Variants in ABCA7 observed in about 807,000 individuals in gnomAD.
ABCA7 encodes ATP binding cassette subfamily A member 7.
In ABCA7, 261 loss-of-function variants were observed where a neutral mutation model predicts 227.6. The ratio of observed to expected loss-of-function variants is 1.15; its 90% CI spans 1.04 to 1.27. ABCA7 has a LOEUF of 1.27. ABCA7 is among the 50% of genes most tolerant of loss of function. The probability of loss-of-function intolerance (pLI) is 0.00; values close to 1 mark genes in which losing one functional copy is unlikely to be tolerated. For missense variants in ABCA7, 3,331 were observed against 2,924.5 expected, an observed-to-expected ratio of 1.14 and a Z score of -3.21; for synonymous variants, 1,488 against 1,279.7, an observed-to-expected ratio of 1.16 and a Z score of -3.47.
chr19:1,052,615 AGGGG>A (rs1568346546), intron 23 of ABCA7, among the ~76,000 whole-genome samples: 3 of 262 alleles, frequency 0.011, no homozygotes, highest in Non-Finnish European at 0.017. Context: ...GGGGAGGAGG[AGGGG>A]GAGGGAAAGG....
chr19:1,058,593 C>G, intron 37 of ABCA7, 25 bp from the exon 38 acceptor site: 1 of 1,612,806 alleles, frequency 6.2e-7, no homozygotes, highest in Non-Finnish European at 8.5e-7. Context: ...CTCATGGACC[C>G]AGTCCCTCCT....
Position 1,041,226 on chromosome 19 carries a change from G to C in ABCA7, c.-136G>C. On this transcript the variant is annotated splice_region_variant and 5_prime_UTR_variant, in exon 2 of 47. Transcript: ENST00000263094. ...TACTGTTTGCCTCGCTCTAATCAGA[G>C]CTTCCAGGAACCCTGCGCTGTGGGA... 1.1e-6 allele frequency: 1 copy of C among 908,472 alleles called. No homozygotes were observed. Among genetic ancestry groups the C allele is most frequent in the Non-Finnish European group, 1.8e-6 (1 of 557,826 alleles). The allele number at this position is 908,472 out of a possible 1,614,324, so 56.3% of individuals were successfully genotyped here. A position where few individuals can be genotyped will look rare whatever the true frequency, so the allele number is the denominator to read the frequency against.
Position 1,046,941 on chromosome 19 carries a change from C to T in ABCA7, c.1762C>T (p.Arg588Cys), listed in dbSNP as rs763381769. 7 of 1,566,216 alleles carry T rather than the reference C, an allele frequency of 4.5e-6. No homozygotes were observed. The African/African-American group carries it at 7.6e-5, about 17-fold the overall frequency. ...RDTMRAMGLS[R>C]AVLWLGWFLS... ...CACCATGCGCGCCATGGGGCTCAGC[C>T]GCGCGGTGCTCTGGCTAGGCTGGTT... The change falls in exon 14 of 47, where the codon CGC (arginine) becomes TGC (cysteine). Residue 588 changes from arginine (R) to cysteine (C), a missense_variant. Physicochemically the swap from Arg to Cys is radical, Grantham distance 180. Transcript: ENST00000263094.
chr19:1,056,199 C>T lies in ABCA7; in HGVS notation c.4372C>T (p.Leu1458Phe). 6.2e-7 allele frequency: 1 copy of T among 1,604,990 alleles called. No individual in the cohort carries two copies. The highest frequency in any genetic ancestry group is 8.5e-7 in the Non-Finnish European group (1 of 1,177,252). Residue 1458 changes from leucine to phenylalanine, a missense_variant, in exon 32 of 47, where the codon CTC (leucine) becomes TTC (phenylalanine). Coordinates refer to ENST00000263094, the MANE Select transcript of ABCA7 (RefSeq NM_019112.4). The surrounding 1 kb of genome is among the most constrained non-coding windows in gnomAD (Gnocchi z 4.3). The part of the protein sequence containing the change: ...GGALDRVLKN[L>F]TAWAHSLDAQ... Reference sequence around the variant, plus strand: ...GGCCCTCGACCGTGTCCTGAAAAACCTCACAGCCTGGGCTCACAGCCTGGA... The same window carrying T: ...GGCCCTCGACCGTGTCCTGAAAAACTTCACAGCCTGGGCTCACAGCCTGGA...
rs569835009 is a variant in ABCA7, at chr19:1,060,797, G to T, written c.5464-985G>T. Reference sequence around the variant, plus strand: ...GGCTTCCCAAAGTGCTGGGGTTACAGGTGTGAGCCACTGGGCCTGGCCCAC... The same window carrying T: ...GGCTTCCCAAAGTGCTGGGGTTACATGTGTGAGCCACTGGGCCTGGCCCAC... On this transcript the variant is annotated intron_variant, in intron 40 of 46. Coordinates refer to ENST00000263094, the MANE Select transcript of ABCA7 (RefSeq NM_019112.4). Among the ~76,000 whole-genome samples, 4 of 152,174 alleles carry T rather than the reference G, an allele frequency of 2.6e-5. No individual in the cohort carries two copies. In the East Asian group the frequency reaches 7.7e-4, roughly 29 times the overall value.
At position 1,055,176 on chromosome 19, in the gene ABCA7, G is replaced by C. The variant is rs1472704630; in HGVS notation, c.4030G>C (p.Ala1344Pro). Reference protein sequence around the residue: ...GNWTPESPSPACQCSRPGARR... With the variant: ...GNWTPESPSPPCQCSRPGARR... ...CTGGACCCCAGAGTCTCCATCCCCA[G>C]CCTGCCAGTGTAGCCGGCCCGGTGC... The change falls in exon 30 of 47, where the codon GCC becomes CCC. Residue 1344 changes from alanine to proline, a missense_variant. Coordinates refer to ENST00000263094, the MANE Select transcript of ABCA7 (RefSeq NM_019112.4). 6.2e-7 allele frequency: 1 copy of C among 1,612,284 alleles called. No homozygotes were observed. The highest frequency in any genetic ancestry group is 1.7e-5 in the Admixed American group (1 of 59,996).
Position 1,054,765 on chromosome 19 carries a change from T to C in ABCA7, c.3852-15T>C. The C allele has an allele frequency of 6.2e-7, 1 of 1,606,778 alleles. No individual in the cohort carries two copies. Among genetic ancestry groups the C allele is most frequent in the Non-Finnish European group, 8.5e-7 (1 of 1,176,568 alleles). ...GGGGGTACAGCCCTGACCCTACATCTCCCCTCACACACAGTGAGGACGCCC... is the reference window on the plus strand; with the variant it reads ...GGGGGTACAGCCCTGACCCTACATCCCCCCTCACACACAGTGAGGACGCCC... On this transcript the variant is annotated splice_polypyrimidine_tract_variant and intron_variant, in intron 28 of 46. Coordinates refer to ENST00000263094, the MANE Select transcript of ABCA7 (RefSeq NM_019112.4). This position sits in a 1 kb window ranked among gnomAD's most constrained non-coding sequence, Gnocchi z 4.8.
At chr19:1,062,655 G>T (rs1006730101) in intron 42 of ABCA7, among the ~76,000 whole-genome samples, 1 of 151,746 alleles carries the variant, frequency 6.6e-6, no homozygotes, top group Non-Finnish European at 1.5e-5. Context: ...CGCCTTTCTC[G>T]CTGGGGTCAC....
At position 1,054,972 on chromosome 19, in the gene ABCA7, A is replaced by G; in HGVS notation, c.3950+94A>G. ...GGGAGCCTCAGGGGGCACCTGGAGC[A>G]TCCCCTGTGCCCACCTGGGAGCTGG... On this transcript the variant is annotated intron_variant, in intron 29 of 46. Transcript: ENST00000263094. The surrounding 1 kb of genome is among the most constrained non-coding windows in gnomAD (Gnocchi z 4.8). 6.5e-7 allele frequency: 1 copy of G among 1,542,458 alleles called. No individual in the cohort carries two copies. The highest frequency in any genetic ancestry group is 8.8e-7 in the Non-Finnish European group (1 of 1,138,744).
rs753938488 is a variant in ABCA7, at chr19:1,059,029, C to T, written c.5407C>T (p.Arg1803Cys). The part of the protein sequence containing the change: ...LVLRNLTKVY[R>C]GQRMPAVDRL... ...AAGACCTGCACTCTCCCAGGTATAC[C>T]GTGGGCAGAGGATGCCAGCTGTTGA... The change falls in exon 40 of 47, where the codon CGT (arginine) becomes TGT (cysteine). Residue 1803 changes from arginine (R) to cysteine (C), a missense_variant. By Grantham distance (180) the Arg-to-Cys change is radical. Transcript: ENST00000263094. 35 of 1,613,764 alleles carry T rather than the reference C, an allele frequency of 2.2e-5. No homozygotes were observed. The Admixed American group carries it at 4.0e-4, about 18-fold the overall frequency.
intron 23 of ABCA7, 43 bp downstream of exon 23, chr19:1,052,329 G>A (rs1284241024): frequency 6.6e-7 from 1 of 1,518,464 alleles, no homozygotes; most frequent in South Asian, 1.2e-5. Flanking sequence ...GGGCAGTGGG[G>A]TGGCTGTGCC....
chr19:1,043,287 T>C, intron 8 of ABCA7, 36 bp downstream of exon 8: 1 of 1,611,342 alleles, frequency 6.2e-7, no homozygotes, highest in Non-Finnish European at 8.5e-7. Context: ...TCTTGGGAAG[T>C]GGAACTCTGG....
chr19:1,047,527 G>A lies in ABCA7; in HGVS notation c.2142G>A (p.Ala714=), dbSNP rs768666347. ...TGCTGGAGGAGCAGGGCGAGGGCGCGCAGTGGCACAACGTGGGCACCCGGC... is the reference window on the plus strand; with the variant it reads ...TGCTGGAGGAGCAGGGCGAGGGCGCACAGTGGCACAACGTGGGCACCCGGC... ...LALLEEQGEG[A]QWHNVGTRPT... is the part of the protein sequence containing the mutation. The change falls in exon 16 of 47, where the codon GCG becomes GCA. Residue 714 remains alanine, a synonymous_variant. Coordinates refer to ENST00000263094, the MANE Select transcript of ABCA7 (RefSeq NM_019112.4). 7.5e-6 allele frequency: 12 copies of A among 1,594,862 alleles called. No individual in the cohort carries two copies. Among genetic ancestry groups the A allele is most frequent in the South Asian group, 3.3e-5 (3 of 89,770 alleles).
Position 1,064,932 on chromosome 19 carries a change from T to C in ABCA7, c.6046T>C (p.Phe2016Leu). 6.4e-7 allele frequency: 1 copy of C among 1,555,404 alleles called. No individual in the cohort carries two copies. The highest frequency in any genetic ancestry group is 8.7e-7 in the Non-Finnish European group (1 of 1,151,048). The change falls in exon 46 of 47, where the codon TTC (phenylalanine) becomes CTC (leucine). Residue 2016 changes from phenylalanine (F) to leucine (L), a missense_variant and splice_region_variant. Phe to Leu is a conservative substitution (Grantham distance 22). Coordinates refer to ENST00000263094, the MANE Select transcript of ABCA7 (RefSeq NM_019112.4). ...LGSPQHLKGR[F>L]AAGHTLTLRV... ...TAGCCCTGGCCCCACTCACTGCAGATTCGCGGCGGGTCACACACTGACCCT... is the reference window on the plus strand; with the variant it reads ...TAGCCCTGGCCCCACTCACTGCAGACTCGCGGCGGGTCACACACTGACCCT...
chr19:1,042,595 C>G, intron 6 of ABCA7, 151 bp from the exon 7 acceptor site: 1 of 1,014,466 alleles, frequency 9.9e-7, no homozygotes. Context: ...TCTGTGAGAT[C>G]TCCAATGAGT....
Position 1,051,529 on chromosome 19 carries a change from G to C in ABCA7, c.2905G>C (p.Gly969Arg). The C allele has an allele frequency of 6.2e-7, 1 of 1,612,704 alleles. No individual in the cohort carries two copies. The highest frequency in any genetic ancestry group is 8.5e-7 in the Non-Finnish European group (1 of 1,179,948). ...TGTTATCCTGGACGAGCCTACGGCT[G>C]GCGTGGATCCTGCTTCCCGCCGCGG... The part of the protein sequence containing the change: ...QVVILDEPTA[G>R]VDPASRRGIW... The change falls in exon 21 of 47, where the codon GGC (glycine) becomes CGC (arginine). Residue 969 changes from glycine to arginine, a missense_variant. Transcript: ENST00000263094.
intron 30 of ABCA7, 116 bp from the exon 31 acceptor site, chr19:1,055,791 C>A: frequency 1.8e-6 from 2 of 1,119,628 alleles, no homozygotes; most frequent in Non-Finnish European, 2.5e-6. Context: ...CAGGAGCCAC[C>A]GCGCCCGGCT....
Position 1,042,291 on chromosome 19 carries a change from T to A in ABCA7, c.416-24T>A, listed in dbSNP as rs1301153111. 2.5e-6 allele frequency: 4 copies of A among 1,574,660 alleles called. No individual in the cohort carries two copies. The Admixed American group carries it at 6.8e-5, about 27-fold the overall frequency. On this transcript the variant is annotated intron_variant, in intron 5 of 46. Transcript: ENST00000263094. The stretch of plus-strand genomic sequence containing the variant: ...TCAGACCAACGTCCCCCCAGCCCCA[T>A]GCTCCCGTGCGCTCCTCCCCCAGCC...
intron 20 of ABCA7, 65 bp from the exon 21 acceptor site, chr19:1,051,384 G>C: frequency 1.4e-6 from 1 of 713,124 alleles, no homozygotes; most frequent in East Asian, 2.8e-5. Context: ...TGAGGTCCAC[G>C]TGGGTAGGCA....
Sources: allele counts gnomAD v4.1 joint callset (sites outside exome capture counted in the v4.1 genomes callset), GRCh38; gene constraint gnomAD v4.1.1; non-coding constraint Gnocchi (gnomAD v3.1); transcripts MANE v1.5; gene names NCBI Gene and HGNC (gene_info 2026-07-23, HGNC 2026-07-21).